PXK: variants seen among roughly 807,000 people sequenced by gnomAD.
PXK encodes the protein PX domain-containing protein kinase-like protein.
PXK carries 35 observed loss-of-function variants against 84.7 expected under a neutral mutation model. That is an observed-to-expected ratio of 0.41 (90% CI 0.32 to 0.55). The LOEUF (loss-of-function observed/expected upper bound fraction) is 0.55. Among genes scored for constraint, PXK ranks in the 20% least tolerant of loss-of-function variants. The pLI is 0.21. For synonymous variants in PXK, 253 were observed against 260.8 expected, an observed-to-expected ratio of 0.97 and a Z score of 0.29; for missense variants, 634 against 699.7, an observed-to-expected ratio of 0.91 and a Z score of 1.06.
intron 17 of PXK, chr3:58,422,063 T>C (rs2061962087): frequency 1.0e-6 from 1 of 985,302 alleles, no homozygotes; most frequent in East Asian, 1.1e-4. Context: ...AACTTTCATT[T>C]GGCCCTTGTT....
intron 17 of PXK, among the ~76,000 whole-genome samples, chr3:58,419,522 G>A (rs1359715772): frequency 6.6e-6 from 1 of 152,240 alleles, no homozygotes; most frequent in Non-Finnish European, 1.5e-5. Flanking sequence ...CAAAGTGCTG[G>A]GATTACAGGC....
chr3:58,368,413 C>G (rs537429572), intron 2 of PXK, among the ~76,000 whole-genome samples: 114 of 152,280 alleles, frequency 7.5e-4, no homozygotes, highest in African/African-American at 2.5e-3. Context: ...ATCTCTGCCT[C>G]CTAGGCTCAA....
chr3:58,417,786 T>TAC (rs2061212152), intron 17 of PXK, among the ~76,000 whole-genome samples: 1 of 152,234 alleles, frequency 6.6e-6, no homozygotes, highest in Non-Finnish European at 1.5e-5. Context: ...GGTCCCAATT[T>TAC]ACACACACAC....
intron 3 of PXK, among the ~76,000 whole-genome samples, chr3:58,372,038 A>G (rs1222462419): frequency 6.6e-6 from 1 of 152,226 alleles, no homozygotes; most frequent in Non-Finnish European, 1.5e-5. Flanking sequence ...TATAATACAC[A>G]TATGCAGAGT....
At chr3:58,369,778 C>T (rs566868078) in intron 3 of PXK, among the ~76,000 whole-genome samples, 86 of 149,538 alleles carry the variant, frequency 5.8e-4, no homozygotes, top group African/African-American at 2.1e-3. Flanking sequence ...GAGCCGAGAT[C>T]GCACCATTGC....
Position 58,424,736 on chromosome 3 carries a change from C to G in PXK, c.1529-16C>G, listed in dbSNP as rs774300647. ...CTGTGGAGGTGAATACTGATTGTCC[C>G]CCTTTTCCTCCACAGGGATATCTGC... On this transcript the variant is annotated splice_polypyrimidine_tract_variant and intron_variant, in intron 17 of 17. Coordinates refer to ENST00000356151, the MANE Select transcript of PXK (RefSeq NM_017771.5). 3.1e-6 allele frequency: 5 copies of G among 1,611,408 alleles called. No homozygotes were observed. The highest frequency in any genetic ancestry group is 4.2e-6 in the Non-Finnish European group (5 of 1,179,306).
intron 1 of PXK, among the ~76,000 whole-genome samples, chr3:58,343,275 A>G (rs2097767141): frequency 6.6e-6 from 1 of 152,222 alleles, no homozygotes; most frequent in Non-Finnish European, 1.5e-5. Context: ...AAGTAGAGGG[A>G]AATGAAGCCA....
chr3:58,382,415 C>T, intron 3 of PXK, 99 bp from the exon 4 acceptor site: 1 of 1,007,902 alleles, frequency 9.9e-7, no homozygotes, highest in Non-Finnish European at 1.3e-6. Context: ...CTAAAATCTG[C>T]ATTGTCTTAG....
chr3:58,420,966 A>G (rs6772652), intron 17 of PXK: 796,276 of 1,024,420 alleles, frequency 0.78, 310,315 homozygotes, highest in East Asian at 0.81. Flanking sequence ...TTGAGCTCTT[A>G]GTTACAGGGA....
chr3:58,343,534 C>T (rs546010825), intron 1 of PXK, among the ~76,000 whole-genome samples: 40 of 152,328 alleles, frequency 2.6e-4, no homozygotes, highest in African/African-American at 9.4e-4. Flanking sequence ...GGTGAGCAGT[C>T]GCTGCTCTAG....
Position 58,412,898 on chromosome 3 carries a change from T to G in PXK, c.1466-3T>G. The G allele has an allele frequency of 6.2e-6, 10 of 1,614,184 alleles. No individual in the cohort carries two copies. The highest frequency in any genetic ancestry group is 8.5e-6 in the Non-Finnish European group (10 of 1,180,020). On this transcript the variant is annotated splice_region_variant and splice_polypyrimidine_tract_variant and intron_variant, in intron 16 of 17. Coordinates refer to ENST00000356151, the MANE Select transcript of PXK (RefSeq NM_017771.5). This position sits in a 1 kb window ranked among gnomAD's most constrained non-coding sequence, Gnocchi z 6.2. ...ATGAGGGTTTCTCTGTGTTTTATCT[T>G]AGCAGGATCTGGGGCCAGCTCACCT...
In PXK at chr3:58,401,153, CT is replaced by C. The variant is rs2107306737; in HGVS notation, c.1181+1778del. ...CACCTAAGTCTTTCTACGATGTGGG[CT>C]TCAGCTATGAGAAGAGCTCCTGGAC... is the stretch of plus-strand genomic sequence containing the variant. On this transcript the variant is annotated intron_variant, in intron 12 of 17. Transcript: ENST00000356151. The surrounding 1 kb of genome is among the most constrained non-coding windows in gnomAD (Gnocchi z 4.4). Among the ~76,000 whole-genome samples, 1 of 152,238 alleles carries C rather than the reference CT, an allele frequency of 6.6e-6. No individual in the cohort carries two copies. The highest frequency in any genetic ancestry group is 2.4e-5 in the African/African-American group (1 of 41,534).
intron 17 of PXK, chr3:58,422,738 C>T (rs899131643): frequency 1.1e-4 from 109 of 985,282 alleles, no homozygotes; most frequent in Non-Finnish European, 1.3e-4. Flanking sequence ...CAGCCCCTAC[C>T]CCTCAGCCCA....
chr3:58,417,666 T>C (rs1042653354), intron 17 of PXK, among the ~76,000 whole-genome samples: 2 of 152,228 alleles, frequency 1.3e-5, no homozygotes, highest in Non-Finnish European at 2.9e-5. Flanking sequence ...GTTTTCTGCC[T>C]CAGGAAGGTC....
intron 2 of PXK, 63 bp from the exon 3 acceptor site, chr3:58,369,357 TAATACATATTA>T: frequency 8.3e-7 from 1 of 1,208,294 alleles, no homozygotes; most frequent in African/African-American, 1.5e-5. Flanking sequence ...TTACTAATTC[TAATACATATTA>T]AATAAAGAAA....
chr3:58,405,672 C>G (rs1382408073), intron 13 of PXK, among the ~76,000 whole-genome samples: 3 of 137,446 alleles, frequency 2.2e-5, no homozygotes, highest in Admixed American at 1.6e-4. Flanking sequence ...GAGTGAGACT[C>G]TGTCTCAAAA....
Position 58,389,658 on chromosome 3 carries a change from T to TA in PXK, c.389-916dup, listed in dbSNP as rs201083457. Among the ~76,000 whole-genome samples, 424 of 126,684 alleles carry TA rather than the reference T, an allele frequency of 3.3e-3. 3 individuals carry two copies. Among genetic ancestry groups the TA allele is most frequent in the African/African-American group, 0.01 (390 of 37,470 alleles). 83.1% of individuals were successfully genotyped at this position (126,684 alleles called of 152,430 possible). On this transcript the variant is annotated intron_variant, in intron 4 of 17. Coordinates refer to ENST00000356151, the MANE Select transcript of PXK (RefSeq NM_017771.5). ...GTGGAGATGGCAAATACCTTGTCAC[T>TA]AAAAAAAACAAAAACAAACAAAAAA...
chr3:58,339,249 T>A (rs1029327589), intron 1 of PXK, among the ~76,000 whole-genome samples: 2 of 150,914 alleles, frequency 1.3e-5, no homozygotes, highest in Non-Finnish European at 3.0e-5. Flanking sequence ...TTTTTTTTTT[T>A]AGACGTAGTC....
rs190875216 is a variant in PXK at position 58,422,951 on chromosome 3, C to T, written c.1529-1801C>T. 2.3e-5 allele frequency: 23 copies of T among 985,424 alleles called. No individual in the cohort carries two copies. In the Admixed American group the frequency reaches 7.4e-4, roughly 32 times the overall value. The allele number at this position is 985,424 out of a possible 1,614,324, so 61.0% of individuals were successfully genotyped here. A position where few individuals can be genotyped will look rare whatever the true frequency, so the allele number is the denominator to read the frequency against. On this transcript the variant is annotated intron_variant, in intron 17 of 17. Coordinates refer to ENST00000356151, the MANE Select transcript of PXK (RefSeq NM_017771.5). The stretch of plus-strand genomic sequence containing the variant: ...CCCTGGAGCTCCTTCTGTTACACTA[C>T]GTGGCCCTGAATATCAAGTCCAGAT...
Sources: allele counts gnomAD v4.1 joint callset (sites outside exome capture counted in the v4.1 genomes callset), GRCh38; gene constraint gnomAD v4.1.1; non-coding constraint Gnocchi (gnomAD v3.1); transcripts MANE v1.5; gene names NCBI Gene and HGNC (gene_info 2026-07-23, HGNC 2026-07-21).